GTF2IRD1: variants seen among roughly 807,000 people sequenced by gnomAD.
The protein encoded by GTF2IRD1 is GTF2I repeat domain containing 1, also known as general transcription factor II-I repeat domain-containing protein 1.
GTF2IRD1 carries 26 observed loss-of-function variants against 113.2 expected under a neutral mutation model. The ratio of observed to expected loss-of-function variants is 0.23; its 90% CI spans 0.17 to 0.32. The LOEUF (loss-of-function observed/expected upper bound fraction) is 0.32, where lower values mean the gene tolerates loss of function less well. Ranked by LOEUF, GTF2IRD1 falls within the 10% of genes least tolerant of loss-of-function variation. The pLI, the probability that GTF2IRD1 is intolerant of heterozygous loss-of-function variation, is 1.00. For synonymous variants in GTF2IRD1, 484 were observed against 529.1 expected, an observed-to-expected ratio of 0.91 and a Z score of 1.17; for missense variants, 864 against 1,280.8, an observed-to-expected ratio of 0.67 and a Z score of 4.97.
At chr7:74,467,273 C>T (rs1554331086) in intron 1 of GTF2IRD1, among the ~76,000 whole-genome samples, 10 of 152,060 alleles carry the variant, frequency 6.6e-5, no homozygotes, top group Non-Finnish European at 1.5e-5. Flanking sequence ...AATCCCAGCT[C>T]TCGTTGGCGC....
rs1362412092 is a variant in GTF2IRD1, at chr7:74,539,299, T to G, written c.1528+539T>G. Reference sequence around the variant, plus strand: ...ACATCTCCACAAAAAATACAAAACATTAGCCAGATGTGGTGGTGTGTGCCT... The same window carrying G: ...ACATCTCCACAAAAAATACAAAACAGTAGCCAGATGTGGTGGTGTGTGCCT... On this transcript the variant is annotated intron_variant, in intron 13 of 26. Coordinates refer to ENST00000424337, the MANE Select transcript of GTF2IRD1 (RefSeq NM_005685.4). 2.0e-5 allele frequency among the ~76,000 whole-genome samples: 3 copies of G among 151,396 alleles called. No individual in the cohort carries two copies. In the East Asian group the frequency reaches 5.8e-4, roughly 29 times the overall value.
intron 7 of GTF2IRD1, 60 bp downstream of exon 7, chr7:74,521,357 C>A: frequency 1.0e-6 from 1 of 1,004,534 alleles, no homozygotes. Context: ...GGAGGTGGTG[C>A]TTATTGAAAT....
At chr7:74,588,930 T>C (rs1801890258) in intron 22 of GTF2IRD1, among the ~76,000 whole-genome samples, 3 of 152,144 alleles carry the variant, frequency 2.0e-5, no homozygotes, top group Middle Eastern at 3.2e-3. Flanking sequence ...GTCTCCTAAG[T>C]GTGTCCTGTT....
In GTF2IRD1 at chr7:74,501,446, C is replaced by A. The variant is rs553082013; in HGVS notation, c.-6-6629C>A. On this transcript the variant is annotated intron_variant, in intron 1 of 26. Coordinates refer to ENST00000424337, the MANE Select transcript of GTF2IRD1 (RefSeq NM_005685.4). Reference sequence around the variant, plus strand: ...TGGGAAACAGCCCTGTGACTCCTTCCGTCTCTTCCCTCCGGAGGGGGCGGT... The same window carrying A: ...TGGGAAACAGCCCTGTGACTCCTTCAGTCTCTTCCCTCCGGAGGGGGCGGT... Among the ~76,000 whole-genome samples, 16 of 152,282 alleles carry A rather than the reference C, an allele frequency of 1.1e-4. No homozygotes were observed. In the East Asian group the frequency reaches 3.1e-3, roughly 29 times the overall value.
At chr7:74,546,086 GCCCTCCGCCCTCACCCTCAT>G (rs1423900776) in intron 16 of GTF2IRD1, among the ~76,000 whole-genome samples, 7 of 151,898 alleles carry the variant, frequency 4.6e-5, no homozygotes, top group Non-Finnish European at 5.9e-5. Flanking sequence ...CCAGCCCTCA[GCCCTCCGCCCTCACCCTCAT>G]CCCTCCGCCC....
chr7:74,531,328 AC>A (rs1189533322), intron 9 of GTF2IRD1, among the ~76,000 whole-genome samples: 1 of 149,884 alleles, frequency 6.7e-6, no homozygotes, highest in Non-Finnish European at 1.5e-5. Flanking sequence ...CCAAGATGGC[AC>A]AACTGCACTC....
intron 5 of GTF2IRD1, among the ~76,000 whole-genome samples, chr7:74,518,706 C>T (rs756807739): frequency 3.3e-4 from 50 of 152,044 alleles, no homozygotes; most frequent in Non-Finnish European, 6.5e-4. Flanking sequence ...ATACCAAGAC[C>T]CTGTCTCTGC....
chr7:74,512,547 TG>T lies in GTF2IRD1; in HGVS notation c.124-279del, dbSNP rs1462228743. On this transcript the variant is annotated intron_variant, in intron 2 of 26. Coordinates refer to ENST00000424337, the MANE Select transcript of GTF2IRD1 (RefSeq NM_005685.4). This position sits in a 1 kb window ranked among gnomAD's most constrained non-coding sequence, Gnocchi z 4.4. ...AGAAAACCCAGCACGGCATTGTCCCTGGGGCTGGGGCTAAGGGGGGCCTACC... is the reference window on the plus strand; with the variant it reads ...AGAAAACCCAGCACGGCATTGTCCCTGGGCTGGGGCTAAGGGGGGCCTACC... Among the ~76,000 whole-genome samples, 6 of 152,126 alleles carry T rather than the reference TG, an allele frequency of 3.9e-5. No homozygotes were observed. Among genetic ancestry groups the T allele is most frequent in the Non-Finnish European group, 2.9e-5 (2 of 68,016 alleles).
At chr7:74,464,560 G>T (rs537232383) in intron 1 of GTF2IRD1, among the ~76,000 whole-genome samples, 1 of 152,032 alleles carries the variant, frequency 6.6e-6, no homozygotes, top group East Asian at 1.9e-4. Context: ...CACTTCTCCC[G>T]CCTCAGCCTC....
Position 74,557,665 on chromosome 7 carries a change from A to G in GTF2IRD1, c.2050A>G (p.Ile684Val), listed in dbSNP as rs149209759. ...QENYDARLSRIDIANTLREQV... is the reference protein window; with the variant it reads ...QENYDARLSRVDIANTLREQV... ...AAATTATGACGCGAGGCTCTCACGG[A>G]TCGACATCGCCAACACACTAAGGGA... is the stretch of plus-strand genomic sequence containing the variant. Residue 684 changes from isoleucine to valine, a missense_variant, in exon 20 of 27, where the codon ATC becomes GTC. Coordinates refer to ENST00000424337, the MANE Select transcript of GTF2IRD1 (RefSeq NM_005685.4). 2.4e-3 allele frequency: 3,909 copies of G among 1,613,662 alleles called. 8 individuals are homozygous for G. The highest frequency in any genetic ancestry group is 3.1e-3 in the Non-Finnish European group (3,624 of 1,179,612).
intron 1 of GTF2IRD1, among the ~76,000 whole-genome samples, chr7:74,473,359 T>G (rs1794216317): frequency 6.6e-6 from 1 of 151,904 alleles, no homozygotes; most frequent in African/African-American, 2.4e-5. Flanking sequence ...TCCACCAGCC[T>G]GGGGCTGCCA....
chr7:74,465,020 C>T (rs997074249), intron 1 of GTF2IRD1, among the ~76,000 whole-genome samples: 2 of 152,228 alleles, frequency 1.3e-5, no homozygotes, highest in Non-Finnish European at 2.9e-5. Flanking sequence ...CACCTGGCTC[C>T]AGGGTGGTCC....
intron 22 of GTF2IRD1, among the ~76,000 whole-genome samples, chr7:74,578,713 T>C (rs1330689182): frequency 7.2e-5 from 11 of 152,174 alleles, no homozygotes; most frequent in Non-Finnish European, 1.2e-4. Flanking sequence ...TTAACACTTA[T>C]AGCCGGGCAC....
At position 74,547,802 on chromosome 7, in the gene GTF2IRD1, T is replaced by C. The variant is rs1583855151; in HGVS notation, c.1916+516T>C. Among the ~76,000 whole-genome samples the C allele has an allele frequency of 2.0e-5, 3 of 150,464 alleles. No homozygotes were observed. The East Asian group carries it at 5.9e-4, about 29-fold the overall frequency. On this transcript the variant is annotated intron_variant, in intron 17 of 26. Transcript: ENST00000424337. ...TGACAGCAAGGTGTTAGATGGGGTT[T>C]GGCTGCAGTTGGCAGACATGAGGCT... is the stretch of plus-strand genomic sequence containing the variant.
chr7:74,479,026 G>C (rs973755389), intron 1 of GTF2IRD1, among the ~76,000 whole-genome samples: 1 of 151,834 alleles, frequency 6.6e-6, no homozygotes, highest in Non-Finnish European at 1.5e-5. Context: ...GGGACCCCCC[G>C]TCGCCAGCTC....
intron 17 of GTF2IRD1, among the ~76,000 whole-genome samples, chr7:74,554,448 G>A (rs587760927): frequency 3.2e-4 from 49 of 152,320 alleles, no homozygotes; most frequent in Admixed American, 2.4e-3. Context: ...TCCGACTGCA[G>A]TAACACAGCA....
intron 1 of GTF2IRD1, among the ~76,000 whole-genome samples, chr7:74,466,869 T>G (rs903720078): frequency 1.8e-4 from 28 of 151,950 alleles, no homozygotes; most frequent in African/African-American, 6.3e-4. Flanking sequence ...GTGGGCATCC[T>G]GTGCAACCTT....
Position 74,487,100 on chromosome 7 carries a change from C to T in GTF2IRD1, c.-6-20975C>T, listed in dbSNP as rs556858589. 9.9e-5 allele frequency among the ~76,000 whole-genome samples: 15 copies of T among 152,236 alleles called. No homozygotes were observed. In the East Asian group the frequency reaches 1.5e-3, roughly 16 times the overall value. ...TCACCCAGGTGGGAGTGCAGTGGCG[C>T]GATCTTGGCTCACTGCAACCTCCGC... On this transcript the variant is annotated intron_variant, in intron 1 of 26. Transcript: ENST00000424337.
In GTF2IRD1 at chr7:74,525,713, C is replaced by T. The variant is rs187443349; in HGVS notation, c.1090+1559C>T. ...CAGAGGTTGCAGTGGGCCGAGATCACGCCACTGCACTCCAGCCTGGGTGAC... is the reference window on the plus strand; with the variant it reads ...CAGAGGTTGCAGTGGGCCGAGATCATGCCACTGCACTCCAGCCTGGGTGAC... On this transcript the variant is annotated intron_variant, in intron 8 of 26. Transcript: ENST00000424337. 5.4e-3 allele frequency among the ~76,000 whole-genome samples: 825 copies of T among 151,384 alleles called. 9 individuals carry two copies. The highest frequency in any genetic ancestry group is 0.018 in the African/African-American group (759 of 41,160).
Sources: gnomAD v4.1 joint callset for allele counts (sites outside exome capture counted in the v4.1 genomes callset) on GRCh38, gnomAD v4.1.1 for gene constraint, Gnocchi (gnomAD v3.1) non-coding constraint, MANE v1.5 for transcripts, NCBI Gene and HGNC (gene_info 2026-07-23, HGNC 2026-07-21) for gene names.